The following NDST2 variants were observed in gnomAD, a reference collection of about 807,000 sequenced individuals.
NDST2 encodes the protein N-deacetylase and N-sulfotransferase 2.
Under a neutral mutation model 86.9 loss-of-function variants are expected in NDST2, and 32 were observed. That is an observed-to-expected ratio of 0.37 (90% CI 0.28 to 0.49). The LOEUF is 0.49. Ranked by LOEUF, NDST2 falls within the 20% of genes least tolerant of loss-of-function variation. NDST2 has a pLI of 0.97. For synonymous variants in NDST2, 409 were observed against 437.0 expected (o/e 0.94, Z 0.80); for missense variants, 950 against 1,146.9 (o/e 0.83, Z 2.48).
Position 73,808,439 on chromosome 10 carries a change from G to A in NDST2, c.-51C>T. 1 of 1,507,252 alleles carries A rather than the reference G, an allele frequency of 6.6e-7. No homozygotes were observed. The highest frequency in any genetic ancestry group is 1.3e-5 in the South Asian group (1 of 77,336). The allele number at this position is 1,507,252 out of a possible 1,614,324, so 93.4% of individuals were successfully genotyped here. A position where few individuals can be genotyped will look rare whatever the true frequency, so the allele number is the denominator to read the frequency against. On this transcript the variant is annotated 5_prime_UTR_variant, in exon 3 of 15. Transcript: ENST00000309979. This position sits in a 1 kb window ranked among gnomAD's most constrained non-coding sequence, Gnocchi z 4.3. ...ATGGGGACCACCTCAGGGGATGGGA[G>A]GTAGGAGTTCTATAGGCTAGGACTG...
Position 73,808,585 on chromosome 10 carries a change from G to A in NDST2, c.-197C>T. ...GGGGAGGTAGAAGGGGAAGCAGGGG[G>A]CAACTATACAGAGTCCACTTGTCTC... is the stretch of plus-strand genomic sequence containing the variant. On this transcript the variant is annotated 5_prime_UTR_variant, in exon 3 of 15. Coordinates refer to ENST00000309979, the MANE Select transcript of NDST2 (RefSeq NM_003635.4). This position sits in a 1 kb window ranked among gnomAD's most constrained non-coding sequence, Gnocchi z 4.3. The A allele has an allele frequency of 1.7e-6, 1 of 586,094 alleles. No individual in the cohort carries two copies. Among genetic ancestry groups the A allele is most frequent in the Middle Eastern group, 4.6e-4 (1 of 2,194 alleles). The allele number at this position is 586,094 out of a possible 1,614,324, so 36.3% of individuals were successfully genotyped here.
chr10:73,805,491 G>C, intron 8 of NDST2, 96 bp downstream of exon 8: 1 of 1,236,890 alleles, frequency 8.1e-7, no homozygotes. Context: ...TCTAGCCTGG[G>C]TGACAGAGCG....
chr10:73,804,811 C>A lies in NDST2; in HGVS notation c.1805G>T (p.Arg602Leu). The change falls in exon 9 of 15, where the codon CGT (arginine) becomes CTT (leucine). Residue 602 changes from arginine (R) to leucine (L), a missense_variant. Physicochemically the swap from Arg to Leu is moderately radical, Grantham distance 102. This residue lies in a region of NDST2 where 17 missense variants were observed against 40.1 expected (regional missense o/e 0.42). Coordinates refer to ENST00000309979, the MANE Select transcript of NDST2 (RefSeq NM_003635.4). ...TCCCACAATGAGGAACTTCGGGAGA[C>A]GATCACAGGTTTTCTCCTTGGACCA... ...DIWSKEKTCDRLPKFLIVGPQ... is the reference protein window; with the variant it reads ...DIWSKEKTCDLLPKFLIVGPQ... 1 of 1,613,260 alleles carries A rather than the reference C, an allele frequency of 6.2e-7. No homozygotes were observed. The highest frequency in any genetic ancestry group is 8.5e-7 in the Non-Finnish European group (1 of 1,179,556).
rs1247952388 is a variant in NDST2 at position 73,806,266 on chromosome 10, A to C, written c.1434+23T>G. 3.1e-6 allele frequency: 5 copies of C among 1,612,754 alleles called. No individual in the cohort carries two copies. The highest frequency in any genetic ancestry group is 1.7e-5 in the Admixed American group (1 of 59,996). The stretch of plus-strand genomic sequence containing the variant: ...TGTCTAAATGTTAGAGTTTGATTCA[A>C]GCCTGTATTGGGAGTCCCTCACCAT... On this transcript the variant is annotated intron_variant, in intron 6 of 14. Transcript: ENST00000309979. This position sits in a 1 kb window ranked among gnomAD's most constrained non-coding sequence, Gnocchi z 4.5.
At chr10:73,811,717 T>G (rs1418257750), upstream of NDST2, 7 of 152,004 alleles carry the variant, frequency 4.6e-5, no homozygotes, top group Admixed American at 1.3e-4. Flanking sequence ...TTCCGGGAAA[T>G]CAAGCGGCCC....
At position 73,807,612 on chromosome 10, in the gene NDST2, C is replaced by T. The variant is rs766459238; in HGVS notation, c.777G>A (p.Arg259=). 8.1e-6 allele frequency: 13 copies of T among 1,614,060 alleles called. No homozygotes were observed. In the African/African-American group the frequency reaches 1.7e-4, roughly 22 times the overall value. ...CCTGTACCACAGTGGGAAGCCGGGC[C>T]CGACGAAGAACTGGTCCTGGCACTG... The part of the protein sequence containing the change: ...EPAVPGPVLR[R]ARLPTVVQDL... Residue 259 remains arginine, a synonymous_variant, in exon 3 of 15, where the codon CGG becomes CGA. Coordinates refer to ENST00000309979, the MANE Select transcript of NDST2 (RefSeq NM_003635.4).
chr10:73,808,839 C>CAA lies in NDST2; in HGVS notation c.-341-112_-341-111dup, dbSNP rs79478385. On this transcript the variant is annotated intron_variant, in intron 2 of 14. Coordinates refer to ENST00000309979, the MANE Select transcript of NDST2 (RefSeq NM_003635.4). The surrounding 1 kb of genome is among the most constrained non-coding windows in gnomAD (Gnocchi z 4.3). Reference sequence around the variant, plus strand: ...TCCTGCTTACTGGATAATCTGTTCTCAAAAAAAAAAAAAAAAAAGTTTCCT... The same window carrying CAA: ...TCCTGCTTACTGGATAATCTGTTCTCAAAAAAAAAAAAAAAAAAAAGTTTCCT... The CAA allele has an allele frequency of 3.1e-3, 342 of 111,312 alleles. 3 individuals are homozygous for CAA. The highest frequency in any genetic ancestry group is 9.0e-3 in the African/African-American group (268 of 29,758). 6.9% of individuals were successfully genotyped at this position (111,312 alleles called of 1,614,324 possible).
Position 73,806,903 on chromosome 10 carries a change from C to A in NDST2, c.1094-92G>T. 6.4e-7 allele frequency: 1 copy of A among 1,568,356 alleles called. No homozygotes were observed. Among genetic ancestry groups the A allele is most frequent in the South Asian group, 1.2e-5 (1 of 84,794 alleles). ...ACACTGACCACCTTCCATCCCTGAT[C>A]CTTGCCTAAGACTTTCTATTTGCCC... is the stretch of plus-strand genomic sequence containing the variant. On this transcript the variant is annotated intron_variant, in intron 4 of 14. Coordinates refer to ENST00000309979, the MANE Select transcript of NDST2 (RefSeq NM_003635.4). The surrounding 1 kb of genome is among the most constrained non-coding windows in gnomAD (Gnocchi z 4.5).
In NDST2 at chr10:73,807,752, G is replaced by A. The variant is rs371391594; in HGVS notation, c.637C>T (p.Arg213Cys). 15 of 1,614,050 alleles carry A rather than the reference G, an allele frequency of 9.3e-6. No homozygotes were observed. Among genetic ancestry groups the A allele is most frequent in the South Asian group, 4.4e-5 (4 of 91,086 alleles). ...GGCCCTGGTTCTAGGCGGCTGGGGC[G>A]TGTGAGATGCAGTAGCGGGGCAGAA... is the stretch of plus-strand genomic sequence containing the variant. ...NPSAPLLHLT[R>C]PSRLEPGPLP... Residue 213 changes from arginine to cysteine, a missense_variant, in exon 3 of 15, where the codon CGC (arginine) becomes TGC (cysteine). Arg to Cys is a radical substitution (Grantham distance 180). Transcript: ENST00000309979.
At chr10:73,805,840 G>C in intron 7 of NDST2, 60 bp downstream of exon 7, 1 of 1,613,270 alleles carries the variant, frequency 6.2e-7, no homozygotes, top group Non-Finnish European at 8.5e-7. Flanking sequence ...GTGAATAAAG[G>C]TCCCAGCCTG....
At position 73,802,196 on chromosome 10, in the gene NDST2, C is replaced by A. The variant is rs1400428442; in HGVS notation, c.*255G>T. 2 of 576,118 alleles carry A rather than the reference C, an allele frequency of 3.5e-6. No homozygotes were observed. The highest frequency in any genetic ancestry group is 6.2e-5 in the Admixed American group (2 of 32,198). The allele number at this position is 576,118 out of a possible 1,614,324, so 35.7% of individuals were successfully genotyped here. A position where few individuals can be genotyped will look rare whatever the true frequency, so the allele number is the denominator to read the frequency against. On this transcript the variant is annotated 3_prime_UTR_variant, in exon 15 of 15. Coordinates refer to ENST00000309979, the MANE Select transcript of NDST2 (RefSeq NM_003635.4). ...TTCCCCTACACCCTGCCTGGACCCT[C>A]TCATTCCTCCCCACCTCCCAAGATG...
rs574135093 is a variant in NDST2, at chr10:73,806,807, T to C, written c.1098A>G (p.Thr366=). Residue 366 remains threonine, a synonymous_variant, in exon 5 of 15, where the codon ACA becomes ACG. Coordinates refer to ENST00000309979, the MANE Select transcript of NDST2 (RefSeq NM_003635.4). This position sits in a 1 kb window ranked among gnomAD's most constrained non-coding sequence, Gnocchi z 4.5. The part of the protein sequence containing the change: ...GFSGKFYHTG[T]EEEDAGDDML... The stretch of plus-strand genomic sequence containing the variant: ...TGTCGTCCCCTGCATCCTCCTCCTC[T>C]GTCCCTATGACCACACGCTGACCAC... 1 of 1,613,942 alleles carries C rather than the reference T, an allele frequency of 6.2e-7. No individual in the cohort carries two copies. The highest frequency in any genetic ancestry group is 1.3e-5 in the African/African-American group (1 of 75,036).
Position 73,805,655 on chromosome 10 carries a change from G to C in NDST2, c.1678C>G (p.Leu560Val). Residue 560 changes from leucine (L) to valine (V), a missense_variant, in exon 8 of 15, where the codon CTT becomes GTT. Leu to Val is a conservative substitution (Grantham distance 32). This residue lies in a region of NDST2 where 586 missense variants were observed against 714.0 expected (regional missense o/e 0.82). Coordinates refer to ENST00000309979, the MANE Select transcript of NDST2 (RefSeq NM_003635.4). ...TTCTGTGCAAGTGGGACAGGAGGAA[G>C]GGTCTGTAGGCGCAGCCGTGTCCAA... The part of the protein sequence containing the change: ...QCWTRLRLQT[L>V]PPVPLAQKYF... 6 of 1,614,252 alleles carry C rather than the reference G, an allele frequency of 3.7e-6. No individual in the cohort carries two copies. The highest frequency in any genetic ancestry group is 5.1e-6 in the Non-Finnish European group (6 of 1,180,052).
Position 73,807,810 on chromosome 10 carries a change from T to G in NDST2, c.579A>C (p.Ser193=), listed in dbSNP as rs1432362119. Reference sequence around the variant, plus strand: ...CTTGGTAGTCCCGGAGCCCCAAGTTTGAGTGTAAAAAAAGGGGAAAGCCCT... The same window carrying G: ...CTTGGTAGTCCCGGAGCCCCAAGTTGGAGTGTAAAAAAAGGGGAAAGCCCT... ...QLKGFPLFLH[S]NLGLRDYQVN... Residue 193 remains serine (S), a synonymous_variant, in exon 3 of 15, where the codon TCA becomes TCC. Coordinates refer to ENST00000309979, the MANE Select transcript of NDST2 (RefSeq NM_003635.4). 6.2e-7 allele frequency: 1 copy of G among 1,614,048 alleles called. No individual in the cohort carries two copies. Among genetic ancestry groups the G allele is most frequent in the South Asian group, 1.1e-5 (1 of 91,070 alleles).
rs1189195851 is a variant in NDST2, at chr10:73,807,114, G to A, written c.1087C>T (p.His363Tyr). The change falls in exon 4 of 15, where the codon CAT becomes TAT. Residue 363 changes from histidine (H) to tyrosine (Y), a missense_variant. By Grantham distance (83) the His-to-Tyr change is moderately conservative. Around this residue, in one of 5 missense-constraint regions of NDST2, gnomAD observed 586 missense variants for 714.0 expected, o/e 0.82. Coordinates refer to ENST00000309979, the MANE Select transcript of NDST2 (RefSeq NM_003635.4). ...FNLGFSGKFY[H>Y]TGTEEEDAGD... ...AGTAGGGGTATAAGCTCACCAGTAT[G>A]ATAGAACTTGCCCGAGAAGCCCAAG... is the stretch of plus-strand genomic sequence containing the variant. 6.2e-7 allele frequency: 1 copy of A among 1,613,678 alleles called. No homozygotes were observed. The highest frequency in any genetic ancestry group is 8.5e-7 in the Non-Finnish European group (1 of 1,179,650).
At chr10:73,805,012 T>C (rs2084074623) in intron 8 of NDST2, 143 bp from the exon 9 acceptor site, 1 of 513,938 alleles carries the variant, frequency 1.9e-6, no homozygotes, top group South Asian at 2.2e-5. Context: ...GCAATTCTCT[T>C]GCCTCAGCCT....
rs528235671 is a variant in NDST2 at position 73,806,514 on chromosome 10, T to C, written c.1249-40A>G. On this transcript the variant is annotated intron_variant, in intron 5 of 14. Transcript: ENST00000309979. This position sits in a 1 kb window ranked among gnomAD's most constrained non-coding sequence, Gnocchi z 4.5. ...GACTCTCACCAGGACCTGGTGAGGT[T>C]TGGGGAGTAGAGGGTAAAGAGGGTG... The C allele has an allele frequency of 6.4e-7, 1 of 1,558,098 alleles. No homozygotes were observed. The highest frequency in any genetic ancestry group is 1.9e-5 in the Admixed American group (1 of 54,018).
upstream of NDST2, chr10:73,811,613 C>T (rs991614545): frequency 1.3e-5 from 2 of 151,986 alleles, no homozygotes; most frequent in Non-Finnish European, 2.9e-5. Flanking sequence ...CAGCCTGGCC[C>T]AACCACCGCT....
At position 73,805,914 on chromosome 10, in the gene NDST2, C is replaced by A; in HGVS notation, c.1549G>T (p.Val517Leu). The A allele has an allele frequency of 6.2e-7, 1 of 1,614,226 alleles. No individual in the cohort carries two copies. The highest frequency in any genetic ancestry group is 8.5e-7 in the Non-Finnish European group (1 of 1,180,056). The change falls in exon 7 of 15, where the codon GTG becomes TTG. Residue 517 changes from valine to leucine, a missense_variant. Transcript: ENST00000309979. ...CAGCACCTTACCGGATTAAGCAGCA[C>A]TGTCAGAAAGAGCTCTCCACCTCGG... Reference protein sequence around the residue: ...SIRGGELFLTVLLNPISIFMT... With the variant: ...SIRGGELFLTLLLNPISIFMT...
Sources: gnomAD v4.1 joint callset for allele counts on GRCh38, gnomAD v4.1.1 for gene constraint, gnomAD v4.1.1 regional missense constraint, Gnocchi (gnomAD v3.1) non-coding constraint, MANE v1.5 for transcripts, NCBI Gene and HGNC (gene_info 2026-07-23, HGNC 2026-07-21) for gene names.